The following ATP8B3 variants were observed in gnomAD, a reference collection of about 807,000 sequenced individuals.
ATP8B3 encodes the protein ATPase phospholipid transporting 8B3.
A neutral mutation model predicts 140.9 loss-of-function variants in ATP8B3; 141 were observed. The ratio of observed to expected loss-of-function variants is 1.00; its 90% CI spans 0.87 to 1.15. The LOEUF is 1.15. Among genes scored for constraint, ATP8B3 ranks in the 50% most tolerant of loss-of-function variants. ATP8B3 has a pLI of 0.00. For missense variants in ATP8B3, 1,874 were observed against 1,740.6 expected, an observed-to-expected ratio of 1.08 and a Z score of -1.36; for synonymous variants, 765 against 714.6, an observed-to-expected ratio of 1.07 and a Z score of -1.13.
intron 10 of ATP8B3, among the ~76,000 whole-genome samples, chr19:1,803,162 C>T (rs1275700155): frequency 6.6e-6 from 1 of 152,148 alleles, no homozygotes; most frequent in Admixed American, 6.5e-5. Flanking sequence ...ACCAGCCCCC[C>T]ATTCACCAAC....
Position 1,782,384 on chromosome 19 carries a change from T to C in ATP8B3, c.*644A>G. ...CTCCTCCCCGGGCACCAGCAGCCAC[T>C]CCATGGATGATGATGACTGCTTCTC... On this transcript the variant is annotated 3_prime_UTR_variant, in exon 29 of 29. Transcript: ENST00000310127. 1 of 238,830 alleles carries C rather than the reference T, an allele frequency of 4.2e-6. No homozygotes were observed. 14.8% of individuals were successfully genotyped at this position (238,830 alleles called of 1,614,324 possible). A position where few individuals can be genotyped will look rare whatever the true frequency, so the allele number is the denominator to read the frequency against.
chr19:1,792,237 C>A, intron 18 of ATP8B3, 102 bp from the exon 19 acceptor site: 1 of 1,353,726 alleles, frequency 7.4e-7, no homozygotes, highest in Non-Finnish European at 9.8e-7. Context: ...GGTCCCCCAA[C>A]CAAAAGCCTG....
chr19:1,803,779 C>T (rs1048124731), intron 10 of ATP8B3, among the ~76,000 whole-genome samples: 1 of 151,884 alleles, frequency 6.6e-6, no homozygotes, highest in African/African-American at 2.4e-5. Flanking sequence ...GCCTGGGATC[C>T]CAGCTGCTCG....
chr19:1,792,156 A>G (rs1159188395), intron 18 of ATP8B3, 21 bp from the exon 19 acceptor site: 1 of 1,554,874 alleles, frequency 6.4e-7, no homozygotes, highest in Non-Finnish European at 8.6e-7. Flanking sequence ...GGCAGGTGGA[A>G]GCTGTCACCA....
chr19:1,782,770 A>T lies in ATP8B3; in HGVS notation c.*258T>A. ...TCTCCTTGGTCAACAGCAACTTCTCAGGAGAAGGTGGCCTCTGCTTGGGTG... is the reference window on the plus strand; with the variant it reads ...TCTCCTTGGTCAACAGCAACTTCTCTGGAGAAGGTGGCCTCTGCTTGGGTG... On this transcript the variant is annotated 3_prime_UTR_variant, in exon 29 of 29. Transcript: ENST00000310127. 1 of 505,574 alleles carries T rather than the reference A, an allele frequency of 2.0e-6. No individual in the cohort carries two copies. The highest frequency in any genetic ancestry group is 3.6e-6 in the Non-Finnish European group (1 of 280,288). The allele number at this position is 505,574 out of a possible 1,614,324, so 31.3% of individuals were successfully genotyped here.
At position 1,805,847 on chromosome 19, in the gene ATP8B3, C is replaced by T. The variant is rs573850637; in HGVS notation, c.821+41G>A. 1.2e-6 allele frequency: 2 copies of T among 1,611,140 alleles called. No individual in the cohort carries two copies. Among genetic ancestry groups the T allele is most frequent in the East Asian group, 2.2e-5 (1 of 44,846 alleles). On this transcript the variant is annotated intron_variant, in intron 9 of 28. Coordinates refer to ENST00000310127, the MANE Select transcript of ATP8B3 (RefSeq NM_138813.4). This position sits in a 1 kb window ranked among gnomAD's most constrained non-coding sequence, Gnocchi z 5.2. ...GAAGGGGGCTCCTCCGGGCCATGCT[C>T]CCCACCCCCCAGGGTCCCCAGCGAT... is the stretch of plus-strand genomic sequence containing the variant.
intron 11 of ATP8B3, among the ~76,000 whole-genome samples, chr19:1,802,256 A>C (rs972067040): frequency 2.3e-3 from 12 of 5,232 alleles, no homozygotes; most frequent in Non-Finnish European, 2.9e-3. Context: ...CCATCCACCC[A>C]CCCCCCACTC....
In ATP8B3 at chr19:1,806,413, G is replaced by A. The variant is rs534282789; in HGVS notation, c.677+215C>T. 152 of 1,444,194 alleles carry A rather than the reference G, an allele frequency of 1.1e-4. No individual in the cohort carries two copies. Among genetic ancestry groups the A allele is most frequent in the Admixed American group, 6.3e-4 (23 of 36,760 alleles). 89.5% of individuals were successfully genotyped at this position (1,444,194 alleles called of 1,614,324 possible). A position where few individuals can be genotyped will look rare whatever the true frequency, so the allele number is the denominator to read the frequency against. ...ACTTTCCTTGTCCTCCCCATCGCCC[G>A]AGCCCTAAGCTCTGCAAGGGTTCGC... On this transcript the variant is annotated intron_variant, in intron 7 of 28. Coordinates refer to ENST00000310127, the MANE Select transcript of ATP8B3 (RefSeq NM_138813.4). The surrounding 1 kb of genome is among the most constrained non-coding windows in gnomAD (Gnocchi z 5.6).
chr19:1,784,555 G>A (rs893965666), intron 28 of ATP8B3, among the ~76,000 whole-genome samples: 3 of 152,174 alleles, frequency 2.0e-5, no homozygotes, highest in Non-Finnish European at 4.4e-5. Context: ...TTAAGAGCCC[G>A]ATGGCATCAG....
chr19:1,800,527 G>T lies in ATP8B3; in HGVS notation c.1153-78C>A. ...GCCATCAGGATGGGGTAAACACAAA[G>T]ATAAGGCTGGGGCTGGGCACAGTGG... On this transcript the variant is annotated intron_variant, in intron 12 of 28. Coordinates refer to ENST00000310127, the MANE Select transcript of ATP8B3 (RefSeq NM_138813.4). The surrounding 1 kb of genome is among the most constrained non-coding windows in gnomAD (Gnocchi z 4.4). 7.5e-7 allele frequency: 1 copy of T among 1,333,200 alleles called. No individual in the cohort carries two copies. The highest frequency in any genetic ancestry group is 1.0e-6 in the Non-Finnish European group (1 of 956,134). The allele number at this position is 1,333,200 out of a possible 1,614,324, so 82.6% of individuals were successfully genotyped here. A position where few individuals can be genotyped will look rare whatever the true frequency, so the allele number is the denominator to read the frequency against.
At chr19:1,793,130 A>C (rs1600420938) in intron 18 of ATP8B3, among the ~76,000 whole-genome samples, 3 of 140,580 alleles carry the variant, frequency 2.1e-5, no homozygotes, top group African/African-American at 2.7e-5. Flanking sequence ...TCACTTTGTC[A>C]CCCAGGCTGG....
Position 1,783,046 on chromosome 19 carries a change from G to A in ATP8B3, c.3885C>T (p.Ser1295=). Residue 1295 remains serine, a synonymous_variant, in exon 29 of 29, where the codon AGC becomes AGT. Transcript: ENST00000310127. ...LDPSDEEAAS[S]PKESQ The stretch of plus-strand genomic sequence containing the variant: ...TGAGGTGTCACTGTGACTCTTTTGG[G>A]CTCGAAGCTGCCTCTTCATCAGATG... 1.2e-6 allele frequency: 2 copies of A among 1,608,514 alleles called. No homozygotes were observed. Among genetic ancestry groups the A allele is most frequent in the Non-Finnish European group, 1.7e-6 (2 of 1,177,616 alleles).
chr19:1,802,939 G>T (rs1454009705), intron 10 of ATP8B3, among the ~76,000 whole-genome samples: 1 of 152,168 alleles, frequency 6.6e-6, no homozygotes, highest in Non-Finnish European at 1.5e-5. Flanking sequence ...ATCCCAGCAT[G>T]TGACGAGACA....
chr19:1,786,481 G>A (rs528316977), intron 25 of ATP8B3, among the ~76,000 whole-genome samples: 10 of 151,494 alleles, frequency 6.6e-5, no homozygotes, highest in African/African-American at 2.2e-4. Flanking sequence ...CAGGAGAATC[G>A]CTTGAACCCG....
chr19:1,787,039 G>T (rs896720840), intron 25 of ATP8B3, 64 bp downstream of exon 25: 2 of 1,445,596 alleles, frequency 1.4e-6, no homozygotes, highest in African/African-American at 1.4e-5. Flanking sequence ...GCCCCAAGGA[G>T]CGGAGGAGAG....
chr19:1,787,233 CCCAAGGAGCCTG>C, intron 24 of ATP8B3, 47 bp from the exon 25 acceptor site: 1 of 1,513,628 alleles, frequency 6.6e-7, no homozygotes, highest in Non-Finnish European at 9.1e-7. Flanking sequence ...CCTCCAGGCA[CCCAAGGAGCCTG>C]CCAAGCAGGC....
chr19:1,800,030 T>C lies in ATP8B3; in HGVS notation c.1469A>G (p.Glu490Gly). The change falls in exon 14 of 29, where the codon GAA becomes GGA. Residue 490 changes from glutamate (E) to glycine (G), a missense_variant. Coordinates refer to ENST00000310127, the MANE Select transcript of ATP8B3 (RefSeq NM_138813.4). This position sits in a 1 kb window ranked among gnomAD's most constrained non-coding sequence, Gnocchi z 4.4. Reference protein sequence around the residue: ...TSLNDHLGQVEYIFSDKTGTL... With the variant: ...TSLNDHLGQVGYIFSDKTGTL... ...GCCCGTCTTGTCCGAGAAGATGTAT[T>C]CCACCTGGCCCAGGTGGTCGTTGAG... 6.2e-7 allele frequency: 1 copy of C among 1,604,332 alleles called. No individual in the cohort carries two copies. Among genetic ancestry groups the C allele is most frequent in the Non-Finnish European group, 8.5e-7 (1 of 1,175,672 alleles).
At position 1,789,039 on chromosome 19, in the gene ATP8B3, C is replaced by A. The variant is rs759073710; in HGVS notation, c.2927G>T (p.Cys976Phe). 2 of 1,607,770 alleles carry A rather than the reference C, an allele frequency of 1.2e-6. No individual in the cohort carries two copies. The highest frequency in any genetic ancestry group is 1.7e-6 in the Non-Finnish European group (2 of 1,177,958). The change falls in exon 24 of 29, where the codon TGC becomes TTC. Residue 976 changes from cysteine (C) to phenylalanine (F), a missense_variant. Cys to Phe is a radical substitution (Grantham distance 205). This residue lies in a region of ATP8B3 where 840 missense variants were observed against 760.9 expected (regional missense o/e 1.10). Coordinates refer to ENST00000310127, the MANE Select transcript of ATP8B3 (RefSeq NM_138813.4). Reference protein sequence around the residue: ...QNSDFVLGQFCFLQRLLLVHG... With the variant: ...QNSDFVLGQFFFLQRLLLVHG... The stretch of plus-strand genomic sequence containing the variant: ...CACCAGCAGGAGGCGCTGCAGGAAG[C>A]AGAACTGGCCGAGCACGAAGTCGCT...
chr19:1,795,981 T>A lies in ATP8B3; in HGVS notation c.1949A>T (p.Lys650Met). The A allele has an allele frequency of 6.2e-7, 1 of 1,613,176 alleles. No individual in the cohort carries two copies. Among genetic ancestry groups the A allele is most frequent in the Non-Finnish European group, 8.5e-7 (1 of 1,179,850 alleles). The change falls in exon 18 of 29, where the codon AAG (lysine) becomes ATG (methionine). Residue 650 changes from lysine (K) to methionine (M), a missense_variant. Around this residue, in one of 3 missense-constraint regions of ATP8B3, gnomAD observed 1,032 missense variants for 963.6 expected, o/e 1.07. Transcript: ENST00000310127. ...GTACAGGCAGATGGCGCCCTCTGGC[T>A]TTCGAACTGTGGGGGAACAGGCCCT... ...TRKRMSVLVR[K>M]PEGAICLYTK...
Sources: gnomAD v4.1 joint callset for allele counts (sites outside exome capture counted in the v4.1 genomes callset) on GRCh38, gnomAD v4.1.1 for gene constraint, gnomAD v4.1.1 regional missense constraint, Gnocchi (gnomAD v3.1) non-coding constraint, MANE v1.5 for transcripts, NCBI Gene and HGNC (gene_info 2026-07-23, HGNC 2026-07-21) for gene names.